CLEC2A: variants seen among roughly 807,000 people sequenced by gnomAD.
CLEC2A encodes the protein keratinocyte-associated C-type lectin.
In CLEC2A, 19 loss-of-function variants were observed where a neutral mutation model predicts 18.6. That is an observed-to-expected ratio of 1.02 (90% confidence interval 0.71 to 1.50). The LOEUF is 1.50. CLEC2A is among the 40% of genes most tolerant of loss of function. The probability of loss-of-function intolerance (pLI) is 0.00; values close to 1 mark genes in which losing one functional copy is unlikely to be tolerated. For synonymous variants in CLEC2A, 74 were observed against 64.0 expected, an observed-to-expected ratio of 1.16 and a Z score of -0.75; for missense variants, 190 against 207.9, an observed-to-expected ratio of 0.91 and a Z score of 0.53.
chr12:9,919,981 G>A (rs1024340772), intron 3 of CLEC2A, among the ~76,000 whole-genome samples: 1 of 152,180 alleles, frequency 6.6e-6, no homozygotes, highest in Non-Finnish European at 1.5e-5. Flanking sequence ...GTGCCGTGCT[G>A]GGGGACCACT....
At position 9,926,283 on chromosome 12, in the gene CLEC2A, GTAA is replaced by G. The variant is rs1057046734; in HGVS notation, c.113_115del (p.Ile38del). The G allele has an allele frequency of 1.9e-6, 3 of 1,547,260 alleles. No individual in the cohort carries two copies. Among genetic ancestry groups the G allele is most frequent in the Non-Finnish European group, 1.7e-6 (2 of 1,143,244 alleles). On this transcript the variant is annotated inframe_deletion, in exon 2 of 5. Transcript: ENST00000455827. The stretch of plus-strand genomic sequence containing the variant: ...ACCTATCATAATAATGCAAACTGTA[GTAA>G]TAATAATACTCAGGAAGCACATAAG...
intron 3 of CLEC2A, among the ~76,000 whole-genome samples, chr12:9,919,727 C>T (rs1344388403): frequency 6.6e-6 from 1 of 152,138 alleles, no homozygotes; most frequent in Non-Finnish European, 1.5e-5. Flanking sequence ...CATCTCCAGT[C>T]CCTATTTACC....
rs142106671 is a variant in CLEC2A, at chr12:9,914,892, A to C, written c.411-1212T>G. 1.0e-3 allele frequency among the ~76,000 whole-genome samples: 157 copies of C among 152,344 alleles called. 1 individual carries two copies. Among genetic ancestry groups the C allele is most frequent in the Middle Eastern group, 3.4e-3 (1 of 294 alleles). ...TTAAACTAAAGAGCTTCTGCACAGC[A>C]AAAGAAACTATCATCAGAGTAAACA... On this transcript the variant is annotated intron_variant, in intron 4 of 4. Coordinates refer to ENST00000455827, the MANE Select transcript of CLEC2A (RefSeq NM_001130711.2).
chr12:9,913,569 T>C lies in CLEC2A; in HGVS notation c.522A>G (p.Leu174=), dbSNP rs1863020224. The change falls in exon 5 of 5, where the codon TTA becomes TTG. Residue 174 remains leucine, a synonymous_variant. Transcript: ENST00000455827. ...KWICSKPKYF[L] Reference sequence around the variant, plus strand: ...TCATTTTCAAGTTTTTTCTGCTCTATAAAAAATATTTAGGTTTGCTGCAAA... The same window carrying C: ...TCATTTTCAAGTTTTTTCTGCTCTACAAAAAATATTTAGGTTTGCTGCAAA... 6.5e-7 allele frequency: 1 copy of C among 1,543,744 alleles called. No homozygotes were observed. Among genetic ancestry groups the C allele is most frequent in the Non-Finnish European group, 8.7e-7 (1 of 1,145,216 alleles).
intron 2 of CLEC2A, among the ~76,000 whole-genome samples, chr12:9,925,732 A>C (rs2137052500): frequency 6.6e-6 from 1 of 152,266 alleles, no homozygotes; most frequent in East Asian, 1.9e-4. Flanking sequence ...ATTTGAGTTC[A>C]TTCTTTAGGA....
chr12:9,897,002 G>A (rs907392984), downstream of CLEC2A, among the ~76,000 whole-genome samples: 4 of 152,050 alleles, frequency 2.6e-5, no homozygotes, highest in Non-Finnish European at 4.4e-5. Context: ...TGGGATTACA[G>A]GCATGCACCA....
At chr12:9,882,797 A>G in the CLEC2A span, among the ~76,000 whole-genome samples, 2 of 134,034 alleles carry the variant, frequency 1.5e-5, no homozygotes, top group Admixed American at 1.5e-4. Context: ...AACAAAAAAA[A>G]TTATTCAGAC....
intron 2 of CLEC2A, among the ~76,000 whole-genome samples, chr12:9,925,200 C>T (rs1301048005): frequency 6.6e-6 from 1 of 152,190 alleles, no homozygotes; most frequent in Non-Finnish European, 1.5e-5. Context: ...GTGCTTTGCT[C>T]AAGTTGATGT....
chr12:9,926,196 T>G, intron 2 of CLEC2A, 64 bp downstream of exon 2: 257 of 957,956 alleles, frequency 2.7e-4, no homozygotes, highest in Non-Finnish European at 3.9e-4. Context: ...GAGTTAAACT[T>G]GAGATATACA....
At chr12:9,930,249 C>A (rs926409408) in intron 1 of CLEC2A, among the ~76,000 whole-genome samples, 5 of 152,016 alleles carry the variant, frequency 3.3e-5, no homozygotes, top group Non-Finnish European at 7.4e-5. Flanking sequence ...CCCAACCTAC[C>A]GACCTAATTT....
chr12:9,932,244 A>G lies in CLEC2A; in HGVS notation c.55+31T>C, dbSNP rs187358139. The G allele has an allele frequency of 7.6e-6, 11 of 1,443,862 alleles. No individual in the cohort carries two copies. The East Asian group carries it at 2.2e-4, about 29-fold the overall frequency. The allele number at this position is 1,443,862 out of a possible 1,614,324, so 89.4% of individuals were successfully genotyped here. A position where few individuals can be genotyped will look rare whatever the true frequency, so the allele number is the denominator to read the frequency against. On this transcript the variant is annotated intron_variant, in intron 1 of 4. Transcript: ENST00000455827. ...CTGTATTTTGTTTTATCTTTCCTTT[A>G]CTTCCTTCTCATTCACTCTATAAAA...
chr12:9,880,436 C>T, the CLEC2A span, among the ~76,000 whole-genome samples: 1 of 152,074 alleles, frequency 6.6e-6, no homozygotes, highest in Admixed American at 6.6e-5. Flanking sequence ...CTGTGGGAAA[C>T]AGTCAGCCAC....
In CLEC2A at chr12:9,922,231, G is replaced by A. The variant is rs1007004076; in HGVS notation, c.141C>T (p.Ala47=). 6.6e-7 allele frequency: 1 copy of A among 1,510,966 alleles called. No individual in the cohort carries two copies. The highest frequency in any genetic ancestry group is 8.9e-7 in the Non-Finnish European group (1 of 1,129,860). 93.6% of individuals were successfully genotyped at this position (1,510,966 alleles called of 1,614,324 possible). A position where few individuals can be genotyped will look rare whatever the true frequency, so the allele number is the denominator to read the frequency against. Residue 47 remains alanine, a splice_region_variant and synonymous_variant, in exon 3 of 5, where the codon GCC becomes GCT. Coordinates refer to ENST00000455827, the MANE Select transcript of CLEC2A (RefSeq NM_001130711.2). ...CAGGTTTAGCATGCTTGGACCATGT[G>A]GCTGAAAAAAAAAGAAAGAAATGAT... The part of the protein sequence containing the change: ...IITTVCIIMI[A]TWSKHAKPVA...
downstream of CLEC2A, among the ~76,000 whole-genome samples, chr12:9,894,124 C>CG (rs1862724484): frequency 1.1e-5 from 1 of 94,460 alleles, no homozygotes; most frequent in Non-Finnish European, 2.1e-5. Context: ...TCTTTCTTTT[C>CG]TTTCTCTCTC....
intron 3 of CLEC2A, among the ~76,000 whole-genome samples, chr12:9,921,577 ACT>A (rs1442565401): frequency 6.6e-6 from 1 of 152,092 alleles, no homozygotes; most frequent in Non-Finnish European, 1.5e-5. Flanking sequence ...CCAGAGTGAG[ACT>A]CTGTCTTAAA....
At chr12:9,920,537 C>T (rs1261295793) in intron 3 of CLEC2A, among the ~76,000 whole-genome samples, 2 of 152,184 alleles carry the variant, frequency 1.3e-5, no homozygotes, top group Non-Finnish European at 2.9e-5. Flanking sequence ...GGTTGGCCAT[C>T]GACCTGCCTT....
chr12:9,878,313 C>A, the CLEC2A span, among the ~76,000 whole-genome samples: 4 of 152,040 alleles, frequency 2.6e-5, no homozygotes, highest in African/African-American at 9.7e-5. Flanking sequence ...TGTGGGGCAT[C>A]AGATTTATTG....
At chr12:9,927,927 G>T (rs937659531) in intron 1 of CLEC2A, among the ~76,000 whole-genome samples, 2 of 151,886 alleles carry the variant, frequency 1.3e-5, no homozygotes, top group African/African-American at 4.8e-5. Flanking sequence ...ATAGTAATTT[G>T]TGGGCAAAGC....
chr12:9,897,234 T>A (rs1862766985), downstream of CLEC2A, among the ~76,000 whole-genome samples: 2 of 152,152 alleles, frequency 1.3e-5, no homozygotes, highest in South Asian at 2.1e-4. Flanking sequence ...TCTCTAGAAC[T>A]TATTCACCTT....
Sources: allele counts gnomAD v4.1 joint callset (sites outside exome capture counted in the v4.1 genomes callset), GRCh38; gene constraint gnomAD v4.1.1; transcripts MANE v1.5; gene names NCBI Gene and HGNC (gene_info 2026-07-23, HGNC 2026-07-21).